The following TMED8 variants were observed in gnomAD, a reference collection of about 807,000 sequenced individuals.
TMED8 encodes the protein protein TMED8.
TMED8 carries 15 observed loss-of-function variants against 32.7 expected under a neutral mutation model. The observed-to-expected ratio is 0.46, with a 90% CI of 0.31 to 0.71. The LOEUF (loss-of-function observed/expected upper bound fraction) is 0.71. Ranked by LOEUF, TMED8 falls within the 30% of genes least tolerant of loss-of-function variation. The pLI, the probability that TMED8 is intolerant of heterozygous loss-of-function variation, is 0.06. For missense variants in TMED8, 390 were observed against 423.9 expected (o/e 0.92, Z 0.70); for synonymous variants, 147 against 161.4 (o/e 0.91, Z 0.68).
chr14:77,374,717 A>T (rs1260559080), intron 1 of TMED8, among the ~76,000 whole-genome samples: 1 of 152,244 alleles, frequency 6.6e-6, no homozygotes, highest in Non-Finnish European at 1.5e-5. Context: ...GCTCTAGATA[A>T]ATAAACAAGC....
rs1273638768 is a variant in TMED8 at position 77,339,508 on chromosome 14, TTAA to T, written c.*2260_*2262del. ...TTTCAATTTGAGAGAAAGGCAGAAG[TTAA>T]TAATAAACAGGAAAAATAAGCAAGG... is the stretch of plus-strand genomic sequence containing the variant. On this transcript the variant is annotated 3_prime_UTR_variant, in exon 6 of 6. Transcript: ENST00000216468. 6.6e-6 allele frequency: 1 copy of T among 152,200 alleles called. No individual in the cohort carries two copies. The highest frequency in any genetic ancestry group is 1.5e-5 in the Non-Finnish European group (1 of 68,034). 9.4% of individuals were successfully genotyped at this position (152,200 alleles called of 1,614,324 possible). A position where few individuals can be genotyped will look rare whatever the true frequency, so the allele number is the denominator to read the frequency against.
chr14:77,372,906 T>TTA (rs1167584417), intron 1 of TMED8, among the ~76,000 whole-genome samples: 403 of 35,294 alleles, frequency 0.011, no homozygotes, highest in Non-Finnish European at 0.015. Context: ...GCCACAGATA[T>TTA]TATATATATA....
Position 77,341,206 on chromosome 14 carries a change from C to A in TMED8, c.*565G>T. ...TGTCTACCATCAGGAATAGTAATAG[C>A]CCTCCAAAGGCAGTGTGGTCTCCCA... On this transcript the variant is annotated 3_prime_UTR_variant, in exon 6 of 6. Coordinates refer to ENST00000216468, the MANE Select transcript of TMED8 (RefSeq NM_213601.3). The A allele has an allele frequency of 6.5e-6, 1 of 154,522 alleles. No homozygotes were observed. The highest frequency in any genetic ancestry group is 2.0e-4 in the South Asian group (1 of 4,986). The allele number at this position is 154,522 out of a possible 1,614,324, so 9.6% of individuals were successfully genotyped here.
At chr14:77,370,561 ATATTT>A in intron 1 of TMED8, among the ~76,000 whole-genome samples, 1 of 152,292 alleles carries the variant, frequency 6.6e-6, no homozygotes, top group Middle Eastern at 3.4e-3. Flanking sequence ...ATATATTTAT[ATATTT>A]TAAAGACTAT....
intron 1 of TMED8, among the ~76,000 whole-genome samples, chr14:77,357,186 A>G (rs909061182): frequency 2.0e-5 from 3 of 152,184 alleles, no homozygotes; most frequent in African/African-American, 7.2e-5. Flanking sequence ...ATTCAGGTTC[A>G]GTTTTGTTCT....
rs1022842733 is a variant in TMED8, at chr14:77,343,232, T to C, written c.706A>G (p.Ser236Gly). ...TCATCCTCATCGTCACTGGAATCAC[T>C]GACCTGCACAGTTATGTCAGTGCTA... Reference protein sequence around the residue: ...VTSTDITVQVSDSSDDEDEEE... With the variant: ...VTSTDITVQVGDSSDDEDEEE... Residue 236 changes from serine to glycine, a missense_variant, in exon 5 of 6, where the codon AGT (serine) becomes GGT (glycine). By Grantham distance (56) the Ser-to-Gly change is moderately conservative. Coordinates refer to ENST00000216468, the MANE Select transcript of TMED8 (RefSeq NM_213601.3). 2 of 1,614,228 alleles carry C rather than the reference T, an allele frequency of 1.2e-6. No individual in the cohort carries two copies. Among genetic ancestry groups the C allele is most frequent in the African/African-American group, 1.3e-5 (1 of 75,062 alleles).
Position 77,376,948 on chromosome 14 carries a change from C to T in TMED8, c.106G>A (p.Ala36Thr). 1 of 1,456,718 alleles carries T rather than the reference C, an allele frequency of 6.9e-7. No homozygotes were observed. The allele number at this position is 1,456,718 out of a possible 1,614,324, so 90.2% of individuals were successfully genotyped here. Reference sequence around the variant, plus strand: ...CGGCCTTGCGTACCTGAGGCGGCCGCCTGGCTCCCCTCCACTCCCTGGCAG... The same window carrying T: ...CGGCCTTGCGTACCTGAGGCGGCCGTCTGGCTCCCCTCCACTCCCTGGCAG... ...GDCQGVEGSQ[A>T]AASENEDLEN... Residue 36 changes from alanine (A) to threonine (T), a missense_variant, in exon 1 of 6, where the codon GCG (alanine) becomes ACG (threonine). Ala to Thr is a moderately conservative substitution (Grantham distance 58, BLOSUM62 0). Coordinates refer to ENST00000216468, the MANE Select transcript of TMED8 (RefSeq NM_213601.3). This position sits in a 1 kb window ranked among gnomAD's most constrained non-coding sequence, Gnocchi z 4.0.
chr14:77,365,012 T>C lies in TMED8; in HGVS notation c.118+11924A>G, dbSNP rs538468343. 2.0e-5 allele frequency among the ~76,000 whole-genome samples: 3 copies of C among 152,358 alleles called. No homozygotes were observed. In the South Asian group the frequency reaches 6.2e-4, roughly 32 times the overall value. On this transcript the variant is annotated intron_variant, in intron 1 of 5. Transcript: ENST00000216468. Reference sequence around the variant, plus strand: ...TATGCATAAAAATCAGTTGCCTTTTTTGTTGTTTAATAAGGGAATTCTGAC... The same window carrying C: ...TATGCATAAAAATCAGTTGCCTTTTCTGTTGTTTAATAAGGGAATTCTGAC...
intron 3 of TMED8, among the ~76,000 whole-genome samples, chr14:77,345,367 T>C (rs1893000445): frequency 6.6e-6 from 1 of 152,220 alleles, no homozygotes; most frequent in Non-Finnish European, 1.5e-5. Flanking sequence ...GTGTTACAGA[T>C]ACAAATGCTT....
Position 77,335,472 on chromosome 14 carries a change from T to C in TMED8, c.*6299A>G, listed in dbSNP as rs1434419807. 2.0e-5 allele frequency: 3 copies of C among 152,244 alleles called. No homozygotes were observed. Among genetic ancestry groups the C allele is most frequent in the African/African-American group, 7.2e-5 (3 of 41,474 alleles). The allele number at this position is 152,244 out of a possible 1,614,324, so 9.4% of individuals were successfully genotyped here. On this transcript the variant is annotated 3_prime_UTR_variant, in exon 6 of 6. Transcript: ENST00000216468. ...ATAGAACAGTAAGAAAATAATGTCT[T>C]TGTAGTTGCCAATTGCTTAAATCTT...
intron 1 of TMED8, chr14:77,359,496 C>A: frequency 3.3e-6 from 1 of 305,470 alleles, no homozygotes. Flanking sequence ...ACATGACCTA[C>A]CCAGGACAAC....
chr14:77,351,436 G>A (rs28391180), intron 2 of TMED8, among the ~76,000 whole-genome samples: 1 of 117,966 alleles, frequency 8.5e-6, no homozygotes, highest in African/African-American at 3.3e-5. Context: ...TTTTTTTTTG[G>A]ATTTTTAGTA....
chr14:77,341,712 C>T lies in TMED8; in HGVS notation c.*59G>A. On this transcript the variant is annotated 3_prime_UTR_variant, in exon 6 of 6. Coordinates refer to ENST00000216468, the MANE Select transcript of TMED8 (RefSeq NM_213601.3). The stretch of plus-strand genomic sequence containing the variant: ...GCTCTTGCCTATCCCAAACAAGAGG[C>T]ACCAGCTGGCAGCCTGCTTCAGCCA... 2.6e-6 allele frequency: 4 copies of T among 1,560,888 alleles called. No homozygotes were observed. Among genetic ancestry groups the T allele is most frequent in the South Asian group, 1.1e-5 (1 of 88,700 alleles).
Position 77,359,128 on chromosome 14 carries a change from C to A in TMED8, c.119-7377G>T, listed in dbSNP as rs78531061. ...TTTGCCATGTAGCCCAGGCTGATCTCAAAACTCCTGAGCTCAAGCAATATG... is the reference window on the plus strand; with the variant it reads ...TTTGCCATGTAGCCCAGGCTGATCTAAAAACTCCTGAGCTCAAGCAATATG... On this transcript the variant is annotated intron_variant, in intron 1 of 5. Transcript: ENST00000216468. Among the ~76,000 whole-genome samples, 525 of 152,204 alleles carry A rather than the reference C, an allele frequency of 3.4e-3. 5 individuals carry two copies. The highest frequency in any genetic ancestry group is 0.011 in the African/African-American group (463 of 41,518).
Position 77,336,561 on chromosome 14 carries a change from A to G in TMED8, c.*5210T>C, listed in dbSNP as rs1196212098. 6.6e-6 allele frequency: 1 copy of G among 152,186 alleles called. No homozygotes were observed. Among genetic ancestry groups the G allele is most frequent in the Non-Finnish European group, 1.5e-5 (1 of 68,036 alleles). The allele number at this position is 152,186 out of a possible 1,614,324, so 9.4% of individuals were successfully genotyped here. A position where few individuals can be genotyped will look rare whatever the true frequency, so the allele number is the denominator to read the frequency against. On this transcript the variant is annotated 3_prime_UTR_variant, in exon 6 of 6. Transcript: ENST00000216468. ...TCTTGGTTTAGGCAGGGACAATGCA[A>G]CACTTGAGAGGCAGCAGTGATTTCT...
chr14:77,352,429 T>C, intron 1 of TMED8, among the ~76,000 whole-genome samples: 1 of 140,550 alleles, frequency 7.1e-6, no homozygotes, highest in Non-Finnish European at 1.5e-5. Flanking sequence ...ATAATAATAA[T>C]AAATTTTAAA....
Position 77,341,069 on chromosome 14 carries a change from G to A in TMED8, c.*702C>T, listed in dbSNP as rs1432514222. On this transcript the variant is annotated 3_prime_UTR_variant, in exon 6 of 6. Coordinates refer to ENST00000216468, the MANE Select transcript of TMED8 (RefSeq NM_213601.3). ...AGCTCTTGGAATAGGAAATAATGGG[G>A]GCAGTTTTTCTTCCCACAAGATCTT... 6.6e-6 allele frequency: 1 copy of A among 152,164 alleles called. No individual in the cohort carries two copies. Among genetic ancestry groups the A allele is most frequent in the Non-Finnish European group, 1.5e-5 (1 of 68,056 alleles). The allele number at this position is 152,164 out of a possible 1,614,324, so 9.4% of individuals were successfully genotyped here.
intron 1 of TMED8, among the ~76,000 whole-genome samples, chr14:77,354,131 C>T (rs978425077): frequency 4.6e-5 from 7 of 152,148 alleles, no homozygotes; most frequent in African/African-American, 1.7e-4. Flanking sequence ...AAGAAAGGAG[C>T]CAAAATGAAC....
chr14:77,354,746 G>C (rs1050236813), intron 1 of TMED8, among the ~76,000 whole-genome samples: 4 of 152,160 alleles, frequency 2.6e-5, no homozygotes, highest in African/African-American at 2.4e-5. Context: ...CTGAGGTCAG[G>C]AGTTCAAGAC....
Sources: gnomAD v4.1 joint callset for allele counts (sites outside exome capture counted in the v4.1 genomes callset) on GRCh38, gnomAD v4.1.1 for gene constraint, Gnocchi (gnomAD v3.1) non-coding constraint, MANE v1.5 for transcripts, NCBI Gene and HGNC (gene_info 2026-07-23, HGNC 2026-07-21) for gene names.